The following CELF2 variants were observed in gnomAD, a reference collection of about 807,000 sequenced individuals.
CELF2 encodes the protein CUGBP Elav-like family member 2.
In CELF2, 8 loss-of-function variants were observed where a neutral mutation model predicts 62.6. That is an observed-to-expected ratio of 0.13 (90% CI 0.07 to 0.23). The LOEUF (loss-of-function observed/expected upper bound fraction) is 0.23, where lower values mean the gene tolerates loss of function less well. CELF2 is among the 10% of genes least tolerant of loss of function. The probability of loss-of-function intolerance (pLI) is 1.00; values close to 1 mark genes in which losing one functional copy is unlikely to be tolerated. For synonymous variants in CELF2, 258 were observed against 250.0 expected, an observed-to-expected ratio of 1.03 and a Z score of -0.30; for missense variants, 333 against 671.0, an observed-to-expected ratio of 0.50 and a Z score of 5.56.
chr10:11,299,019 G>C (rs1383626094), intron 9 of CELF2, among the ~76,000 whole-genome samples: 4 of 152,248 alleles, frequency 2.6e-5, no homozygotes, highest in African/African-American at 9.6e-5. Flanking sequence ...GGAGAAGACA[G>C]TTTCCTCACT....
At chr10:11,312,509 T>C (rs972316576) in intron 9 of CELF2, among the ~76,000 whole-genome samples, 2 of 152,262 alleles carry the variant, frequency 1.3e-5, no homozygotes, top group Admixed American at 1.3e-4. Context: ...CCTTGAATTG[T>C]TCTGGCAAAG....
rs553242270 is a variant in CELF2 at position 11,045,088 on chromosome 10, G to A, written c.74+26925G>A. On this transcript the variant is annotated intron_variant, in intron 1 of 12. Coordinates refer to ENST00000633077, the MANE Select transcript of CELF2 (RefSeq NM_001326342.2). Reference sequence around the variant, plus strand: ...TCCAGTACCCTAAATAATTCAAGAGGATATGATGCTGTGACTGAGAACTTG... The same window carrying A: ...TCCAGTACCCTAAATAATTCAAGAGAATATGATGCTGTGACTGAGAACTTG... Among the ~76,000 whole-genome samples, 237 of 152,262 alleles carry A rather than the reference G, an allele frequency of 1.6e-3. 1 individual carries two copies. The highest frequency in any genetic ancestry group is 6.8e-3 in the Middle Eastern group (2 of 294).
At chr10:10,929,979 A>G (rs867719307) in intron 2 of CELF2, among the ~76,000 whole-genome samples, 3 of 152,270 alleles carry the variant, frequency 2.0e-5, no homozygotes, top group Non-Finnish European at 4.4e-5. Context: ...TAAAGGAAGT[A>G]TATATGCAAA....
the CELF2 span, among the ~76,000 whole-genome samples, chr10:10,682,832 G>A: frequency 6.6e-6 from 1 of 151,956 alleles, no homozygotes; most frequent in East Asian, 1.9e-4. Flanking sequence ...CCAAAACGTC[G>A]GCTTCTTTGT....
intron 2 of CELF2, among the ~76,000 whole-genome samples, chr10:10,920,855 G>A (rs1344210271): frequency 6.6e-6 from 1 of 151,752 alleles, no homozygotes; most frequent in Non-Finnish European, 1.5e-5. Context: ...GGAAGGGAGG[G>A]AGGAAGGGGC....
chr10:11,246,028 G>C lies in CELF2; in HGVS notation c.355-3125G>C, dbSNP rs956217054. Among the ~76,000 whole-genome samples, 4 of 152,178 alleles carry C rather than the reference G, an allele frequency of 2.6e-5. No homozygotes were observed. Among genetic ancestry groups the C allele is most frequent in the Admixed American group, 2.0e-4 (3 of 15,286 alleles). ...CCTGTCAGCCGAGAGCACTGACTGCGTGATTTCCAGGGTCCTTTACAGCTT... is the reference window on the plus strand; with the variant it reads ...CCTGTCAGCCGAGAGCACTGACTGCCTGATTTCCAGGGTCCTTTACAGCTT... On this transcript the variant is annotated intron_variant, in intron 3 of 12. Transcript: ENST00000633077. The surrounding 1 kb of genome is among the most constrained non-coding windows in gnomAD (Gnocchi z 4.6).
intron 1 of CELF2, among the ~76,000 whole-genome samples, chr10:11,032,165 A>AAAAAAAAAAAAAAAAAAAAAAAC (rs2060230569): frequency 7.3e-6 from 1 of 137,256 alleles, no homozygotes; most frequent in Non-Finnish European, 1.6e-5. Flanking sequence ...AAAAAAAAAA[A>AAAAAAAAAAAAAAAAAAAAAAAC]AAAAAATTGC....
At chr10:11,185,861 T>C (rs377040230) in intron 2 of CELF2, among the ~76,000 whole-genome samples, 2 of 152,364 alleles carry the variant, frequency 1.3e-5, no homozygotes, top group East Asian at 3.9e-4. Context: ...ATAGAATGAA[T>C]TGGGAAGTGT....
chr10:10,869,293 G>A (rs1044580170), intron 1 of CELF2, among the ~76,000 whole-genome samples: 1 of 152,184 alleles, frequency 6.6e-6, no homozygotes, highest in Admixed American at 6.5e-5. Context: ...GTGGGGCGCG[G>A]TGGCTCACAT....
intron 3 of CELF2, among the ~76,000 whole-genome samples, chr10:11,245,736 A>G (rs561168173): frequency 3.9e-5 from 6 of 152,306 alleles, no homozygotes; most frequent in African/African-American, 1.4e-4. Flanking sequence ...ATCAGGTCCT[A>G]CAGGAGTTGG....
chr10:10,751,026 C>T, the CELF2 span, among the ~76,000 whole-genome samples: 5 of 152,214 alleles, frequency 3.3e-5, no homozygotes, highest in South Asian at 6.2e-4. Flanking sequence ...TTGAGGATTT[C>T]GAACCCGTTT....
chr10:11,085,854 C>T (rs926091889), intron 1 of CELF2, among the ~76,000 whole-genome samples: 1 of 152,060 alleles, frequency 6.6e-6, no homozygotes, highest in African/African-American at 2.4e-5. Flanking sequence ...AGAAATACAT[C>T]GAGGATAGCA....
the CELF2 span, among the ~76,000 whole-genome samples, chr10:10,556,809 C>T: frequency 2.6e-5 from 4 of 151,266 alleles, no homozygotes; most frequent in Admixed American, 1.3e-4. Context: ...TTTCATGTGT[C>T]TTTTGGCTGC....
the CELF2 span, among the ~76,000 whole-genome samples, chr10:10,568,024 T>A: frequency 2.0e-5 from 3 of 151,988 alleles, no homozygotes; most frequent in Non-Finnish European, 4.4e-5. Context: ...AGGTAGAGGG[T>A]ATACACAGAA....
chr10:11,257,649 T>C (rs2079230248), intron 4 of CELF2, 89 bp from the exon 5 acceptor site: 1 of 1,480,746 alleles, frequency 6.8e-7, no homozygotes, highest in East Asian at 2.3e-5. Context: ...CTCACATGGC[T>C]GGGGCCTGGT....
chr10:10,758,782 A>G, the CELF2 span, among the ~76,000 whole-genome samples: 2 of 152,268 alleles, frequency 1.3e-5, no homozygotes, highest in Non-Finnish European at 2.9e-5. Flanking sequence ...TGCATTTAAT[A>G]GTGTGCAATG....
the CELF2 span, among the ~76,000 whole-genome samples, chr10:10,750,747 T>C: frequency 6.6e-6 from 1 of 152,368 alleles, no homozygotes; most frequent in South Asian, 2.1e-4. Context: ...CTAGCCCTGG[T>C]GATAAGGTGG....
the CELF2 span, among the ~76,000 whole-genome samples, chr10:10,723,600 G>C: frequency 6.6e-6 from 1 of 152,172 alleles, no homozygotes; most frequent in Admixed American, 6.5e-5. Context: ...AGTGTACACA[G>C]TTCCTCATTT....
the CELF2 span, among the ~76,000 whole-genome samples, chr10:10,730,055 A>G: frequency 1.3e-5 from 2 of 152,228 alleles, no homozygotes; most frequent in Admixed American, 6.5e-5. Flanking sequence ...AAATGACACT[A>G]TCCCAAGATT....
Sources: gnomAD v4.1 joint callset for allele counts (sites outside exome capture counted in the v4.1 genomes callset) on GRCh38, gnomAD v4.1.1 for gene constraint, Gnocchi (gnomAD v3.1) non-coding constraint, MANE v1.5 for transcripts, NCBI Gene and HGNC (gene_info 2026-07-23, HGNC 2026-07-21) for gene names.